Variants in EBF1 observed in about 807,000 individuals in gnomAD.
The protein encoded by EBF1 is transcription factor COE1.
In EBF1, 10 loss-of-function variants were observed where a neutral mutation model predicts 68.4. That is an observed-to-expected ratio of 0.15 (90% CI 0.09 to 0.25). The LOEUF (loss-of-function observed/expected upper bound fraction) is 0.25. EBF1 is among the 10% of genes least tolerant of loss of function. The pLI, the probability that EBF1 is intolerant of heterozygous loss-of-function variation, is 1.00. For synonymous variants in EBF1, 298 were observed against 299.8 expected (o/e 0.99, Z 0.06); for missense variants, 509 against 794.4 (o/e 0.64, Z 4.32).
At position 158,712,220 on chromosome 5, in the gene EBF1, C is replaced by A. The variant is rs146847386; in HGVS notation, c.1483G>T (p.Ala495Ser). 1 of 1,613,526 alleles carries A rather than the reference C, an allele frequency of 6.2e-7. No homozygotes were observed. The highest frequency in any genetic ancestry group is 1.3e-5 in the African/African-American group (1 of 75,042). The change falls in exon 14 of 16, where the codon GCA (alanine) becomes TCA (serine). Residue 495 changes from alanine to serine, a missense_variant. Ala to Ser is a moderately conservative substitution (Grantham distance 99). Transcript: ENST00000313708. Reference protein sequence around the residue: ...TTSMNGYGSAAMSNLGGSPTF... With the variant: ...TTSMNGYGSASMSNLGGSPTF... The stretch of plus-strand genomic sequence containing the variant: ...GGGGAGCCGCCCAAATTGGACATTG[C>A]GGCAGAGCCGTATCCGTTCATGCTC...
chr5:158,988,209 C>CT (rs1759509356), intron 6 of EBF1, among the ~76,000 whole-genome samples: 1 of 152,176 alleles, frequency 6.6e-6, no homozygotes, highest in African/African-American at 2.4e-5. Flanking sequence ...TGGTGGAAGT[C>CT]TGTTATTTTT....
At chr5:158,708,282 G>A (rs922092377) in intron 14 of EBF1, 109 bp from the exon 15 acceptor site, 24 of 1,134,200 alleles carry the variant, frequency 2.1e-5, no homozygotes, top group Middle Eastern at 5.2e-4. Flanking sequence ...CTGCTCAGAC[G>A]ATGCTTCCAG....
Position 158,712,183 on chromosome 5 carries a change from T to C in EBF1, c.1520A>G (p.Asn507Ser), listed in dbSNP as rs1362778131. The C allele has an allele frequency of 1.2e-6, 2 of 1,613,568 alleles. No individual in the cohort carries two copies. The highest frequency in any genetic ancestry group is 1.7e-5 in the Admixed American group (1 of 59,972). ...ATAGGGGGAGTTGGCAGCTGAGCCG[T>C]TGAGGAAGGTGGGGGAGCCGCCCAA... ...SNLGGSPTFL[N>S]GSAANSPYAI... Residue 507 changes from asparagine to serine, a missense_variant, in exon 14 of 16, where the codon AAC (asparagine) becomes AGC (serine). Transcript: ENST00000313708.
intron 6 of EBF1, among the ~76,000 whole-genome samples, chr5:158,849,141 T>C (rs1213395452): frequency 6.6e-6 from 1 of 152,218 alleles, no homozygotes; most frequent in Non-Finnish European, 1.5e-5. Context: ...TTTTGACTCT[T>C]AGGATGATAG....
intron 6 of EBF1, among the ~76,000 whole-genome samples, chr5:158,866,863 A>ATGTG (rs1796000400): frequency 1.7e-5 from 1 of 58,578 alleles, no homozygotes; most frequent in Non-Finnish European, 3.6e-5. Context: ...ATATATATAT[A>ATGTG]TATATATATA....
chr5:158,735,678 C>G (rs199834090), intron 10 of EBF1, among the ~76,000 whole-genome samples: 1 of 152,012 alleles, frequency 6.6e-6, no homozygotes, highest in South Asian at 2.1e-4. Context: ...ATCAACATTA[C>G]TACTTTTGAA....
chr5:158,798,205 A>G (rs1186732123), intron 8 of EBF1, among the ~76,000 whole-genome samples: 1 of 152,212 alleles, frequency 6.6e-6, no homozygotes, highest in Non-Finnish European at 1.5e-5. Context: ...GCTAGAATGG[A>G]GTACAAAAGG....
Position 158,887,308 on chromosome 5 carries a change from T to C in EBF1, c.555-47198A>G, listed in dbSNP as rs531593336. 5.3e-5 allele frequency among the ~76,000 whole-genome samples: 8 copies of C among 152,316 alleles called. No homozygotes were observed. In the East Asian group the frequency reaches 1.4e-3, roughly 26 times the overall value. ...ACAGCCAAGCCGAAGATACATCTTT[T>C]CCTTGTCAATAACTTAGAAATTCTT... On this transcript the variant is annotated intron_variant, in intron 6 of 15. Transcript: ENST00000313708.
At chr5:159,066,815 G>A (rs1776890004) in intron 6 of EBF1, among the ~76,000 whole-genome samples, 1 of 152,216 alleles carries the variant, frequency 6.6e-6, no homozygotes, top group African/African-American at 2.4e-5. Context: ...AAGGCAGGGA[G>A]CAATGAAAGA....
chr5:158,875,433 T>A (rs992781532), intron 6 of EBF1, among the ~76,000 whole-genome samples: 1 of 152,196 alleles, frequency 6.6e-6, no homozygotes, highest in Non-Finnish European at 1.5e-5. Flanking sequence ...GCACTTCCTA[T>A]CCGAAAACTT....
chr5:159,054,026 A>T lies in EBF1; in HGVS notation c.554+19370T>A, dbSNP rs569466082. 2.6e-5 allele frequency among the ~76,000 whole-genome samples: 4 copies of T among 152,380 alleles called. No individual in the cohort carries two copies. The South Asian group carries it at 8.3e-4, about 32-fold the overall frequency. On this transcript the variant is annotated intron_variant, in intron 6 of 15. Transcript: ENST00000313708. ...GGCCAGTGACCCCTTGCTGGTCATT[A>T]ATCGTTACCGAATTCCCTAGAACCA...
intron 15 of EBF1, among the ~76,000 whole-genome samples, chr5:158,701,998 A>G (rs1392596618): frequency 1.3e-5 from 2 of 152,174 alleles, no homozygotes; most frequent in Non-Finnish European, 2.9e-5. Context: ...CATTTCTGGA[A>G]CATTCTAAGG....
intron 6 of EBF1, among the ~76,000 whole-genome samples, chr5:159,070,545 T>C (rs1024386729): frequency 1.3e-5 from 2 of 152,302 alleles, no homozygotes. Flanking sequence ...ACGATTGCAC[T>C]ATGACCAGAA....
chr5:158,860,569 G>A (rs1479533167), intron 6 of EBF1, among the ~76,000 whole-genome samples: 1 of 152,278 alleles, frequency 6.6e-6, no homozygotes. Flanking sequence ...CTGCCATCTT[G>A]GCATGGTTCT....
intron 6 of EBF1, among the ~76,000 whole-genome samples, chr5:158,989,792 A>G (rs1183861393): frequency 1.3e-5 from 2 of 152,180 alleles, no homozygotes; most frequent in African/African-American, 4.8e-5. Flanking sequence ...AGCATGTCTG[A>G]CATGCTATAA....
chr5:159,024,059 C>T (rs1360069023), intron 6 of EBF1, among the ~76,000 whole-genome samples: 3 of 152,060 alleles, frequency 2.0e-5, no homozygotes, highest in African/African-American at 7.2e-5. Flanking sequence ...AGGCCAGAAC[C>T]TTATCTCCTA....
At chr5:158,880,505 G>A (rs756111790) in intron 6 of EBF1, among the ~76,000 whole-genome samples, 1 of 152,098 alleles carries the variant, frequency 6.6e-6, no homozygotes, top group African/African-American at 2.4e-5. Flanking sequence ...GCCCAGCACG[G>A]CACTAAACAT....
At chr5:158,702,073 A>G (rs950280874) in intron 15 of EBF1, among the ~76,000 whole-genome samples, 3 of 152,188 alleles carry the variant, frequency 2.0e-5, no homozygotes, top group Non-Finnish European at 4.4e-5. Flanking sequence ...CTAAATCCCA[A>G]TCATGACTTC....
intron 4 of EBF1, among the ~76,000 whole-genome samples, chr5:159,086,429 T>A (rs533912528): frequency 6.6e-6 from 1 of 152,320 alleles, no homozygotes; most frequent in South Asian, 2.1e-4. Flanking sequence ...GAAAATCCAA[T>A]GCTGCATCCA....
Sources: gnomAD v4.1 joint callset for allele counts (sites outside exome capture counted in the v4.1 genomes callset) on GRCh38, gnomAD v4.1.1 for gene constraint, MANE v1.5 for transcripts, NCBI Gene and HGNC (gene_info 2026-07-23, HGNC 2026-07-21) for gene names.